Variants in RALGPS2 observed in about 807,000 individuals in gnomAD.
RALGPS2 encodes the protein ras-specific guanine nucleotide-releasing factor RalGPS2.
Under a neutral mutation model 86.8 loss-of-function variants are expected in RALGPS2, and 43 were observed. The ratio of observed to expected loss-of-function variants is 0.50; its 90% CI spans 0.39 to 0.64. The LOEUF (loss-of-function observed/expected upper bound fraction) is 0.64, where lower values mean the gene tolerates loss of function less well. Among genes scored for constraint, RALGPS2 ranks in the 30% least tolerant of loss-of-function variants. RALGPS2 has a pLI of 0.00. For synonymous variants in RALGPS2, 243 were observed against 231.3 expected (o/e 1.05, Z -0.46); for missense variants, 536 against 694.6 (o/e 0.77, Z 2.57).
intron 19 of RALGPS2, among the ~76,000 whole-genome samples, chr1:178,916,082 T>A (rs753140065): frequency 6.6e-6 from 1 of 152,212 alleles, no homozygotes; most frequent in Non-Finnish European, 1.5e-5. Flanking sequence ...AGAAAGATAT[T>A]GTCTCTACCC....
At chr1:178,810,025 T>G (rs556803019) in intron 5 of RALGPS2, among the ~76,000 whole-genome samples, 1 of 151,544 alleles carries the variant, frequency 6.6e-6, no homozygotes, top group Non-Finnish European at 1.5e-5. Context: ...GACAGGAGGA[T>G]CACTTGAGCC....
Position 178,921,613 on chromosome 1 carries a change from A to G in RALGPS2, c.*5254A>G, listed in dbSNP as rs1421362201. Reference sequence around the variant, plus strand: ...GATAATATATCTGAAAACACAAGCCATTTTTATTCTTTATCCCAATTAACT... The same window carrying G: ...GATAATATATCTGAAAACACAAGCCGTTTTTATTCTTTATCCCAATTAACT... On this transcript the variant is annotated 3_prime_UTR_variant, in exon 20 of 20. Transcript: ENST00000367635. The G allele has an allele frequency of 6.6e-6, 1 of 152,020 alleles. No individual in the cohort carries two copies. The highest frequency in any genetic ancestry group is 1.5e-5 in the Non-Finnish European group (1 of 67,940). The allele number at this position is 152,020 out of a possible 1,614,324, so 9.4% of individuals were successfully genotyped here.
chr1:178,822,018 T>G (rs532424248), intron 7 of RALGPS2, among the ~76,000 whole-genome samples: 64 of 152,314 alleles, frequency 4.2e-4, no homozygotes, highest in Admixed American at 2.8e-3. Context: ...ACAAAAAAAT[T>G]GCATTTAATC....
chr1:178,842,833 G>A (rs1423860327), intron 8 of RALGPS2, among the ~76,000 whole-genome samples: 1 of 147,808 alleles, frequency 6.8e-6, no homozygotes, highest in Non-Finnish European at 1.5e-5. Context: ...CCATCAAAAA[G>A]TGGGCGAAGG....
intron 4 of RALGPS2, among the ~76,000 whole-genome samples, chr1:178,806,204 A>G (rs990395208): frequency 1.6e-4 from 24 of 152,164 alleles, no homozygotes; most frequent in Non-Finnish European, 1.9e-4. Context: ...GAGTAGGTAC[A>G]TAGAAGACAA....
intron 16 of RALGPS2, 106 bp downstream of exon 16, chr1:178,894,130 A>G: frequency 1.5e-6 from 1 of 657,026 alleles, no homozygotes; most frequent in East Asian, 2.9e-5. Flanking sequence ...ATTATAGTAG[A>G]CTTGAAATAA....
intron 1 of RALGPS2, among the ~76,000 whole-genome samples, chr1:178,769,461 C>T (rs1196111295): frequency 6.6e-6 from 1 of 151,802 alleles, no homozygotes; most frequent in Admixed American, 6.6e-5. Flanking sequence ...GCTCTGAATA[C>T]CTGGAGATCT....
At chr1:178,728,460 T>C (rs1024946886) in intron 1 of RALGPS2, among the ~76,000 whole-genome samples, 5 of 151,940 alleles carry the variant, frequency 3.3e-5, no homozygotes, top group Non-Finnish European at 7.4e-5. Context: ...ACTTTTAATT[T>C]TAATGATACA....
At chr1:178,794,462 C>T (rs980072776) in intron 4 of RALGPS2, among the ~76,000 whole-genome samples, 1 of 152,140 alleles carries the variant, frequency 6.6e-6, no homozygotes, top group Non-Finnish European at 1.5e-5. Flanking sequence ...TATAGGGCTT[C>T]TCTCCAGTGT....
intron 1 of RALGPS2, among the ~76,000 whole-genome samples, chr1:178,759,523 T>C (rs1375998722): frequency 6.8e-6 from 1 of 146,348 alleles, no homozygotes; most frequent in African/African-American, 2.7e-5. Context: ...TCCTCAGTTT[T>C]GTTCTTTTTT....
chr1:178,870,074 TTG>T (rs1171241888), intron 8 of RALGPS2, among the ~76,000 whole-genome samples: 1 of 152,134 alleles, frequency 6.6e-6, no homozygotes, highest in African/African-American at 2.4e-5. Context: ...GTGATTCCAT[TTG>T]TAGCAAGTTT....
intron 8 of RALGPS2, among the ~76,000 whole-genome samples, chr1:178,843,203 C>T (rs1301252082): frequency 1.8e-4 from 26 of 144,332 alleles, no homozygotes; most frequent in African/African-American, 3.5e-4. Context: ...CACATGCACA[C>T]GTATGTTTAT....
chr1:178,912,876 T>A (rs1017133712), intron 19 of RALGPS2, among the ~76,000 whole-genome samples: 5 of 152,262 alleles, frequency 3.3e-5, no homozygotes, highest in African/African-American at 7.2e-5. Flanking sequence ...TGCTCATTTT[T>A]AAAATTTTTT....
At chr1:178,759,628 T>C (rs923140381) in intron 1 of RALGPS2, among the ~76,000 whole-genome samples, 7 of 151,910 alleles carry the variant, frequency 4.6e-5, no homozygotes. Flanking sequence ...ATGAAGAATA[T>C]TATTGGTATG....
At chr1:178,879,211 T>A in intron 10 of RALGPS2, 1 of 482,790 alleles carries the variant, frequency 2.1e-6, no homozygotes, top group Non-Finnish European at 3.2e-6. Context: ...ATTTTATCTC[T>A]GTTTGTAGAG....
At chr1:178,875,312 G>A (rs187980921) in intron 8 of RALGPS2, among the ~76,000 whole-genome samples, 4 of 152,286 alleles carry the variant, frequency 2.6e-5, no homozygotes, top group East Asian at 1.9e-4. Context: ...AAAATAGAAC[G>A]AAGAATAAAA....
At chr1:178,820,511 G>A (rs1655445862) in intron 6 of RALGPS2, among the ~76,000 whole-genome samples, 1 of 152,100 alleles carries the variant, frequency 6.6e-6, no homozygotes, top group South Asian at 2.1e-4. Flanking sequence ...ACTCTCAAGT[G>A]TCATTTCTGG....
intron 4 of RALGPS2, among the ~76,000 whole-genome samples, chr1:178,801,948 A>G (rs1272980573): frequency 1.3e-5 from 2 of 152,192 alleles, no homozygotes; most frequent in Non-Finnish European, 2.9e-5. Flanking sequence ...TTTGAACCTC[A>G]TAAGATGGTA....
At chr1:178,768,616 T>G (rs1652631163) in intron 1 of RALGPS2, among the ~76,000 whole-genome samples, 1 of 152,146 alleles carries the variant, frequency 6.6e-6, no homozygotes, top group Non-Finnish European at 1.5e-5. Context: ...CCTCAGGCAG[T>G]GGGCTGATTT....
Sources: gnomAD v4.1 joint callset for allele counts (sites outside exome capture counted in the v4.1 genomes callset) on GRCh38, gnomAD v4.1.1 for gene constraint, MANE v1.5 for transcripts, NCBI Gene and HGNC (gene_info 2026-07-23, HGNC 2026-07-21) for gene names.